Variants in RFX4 observed in about 807,000 individuals in gnomAD.
The protein encoded by RFX4 is regulatory factor X4, also known as transcription factor RFX4.
RFX4 carries 10 observed loss-of-function variants against 95.0 expected under a neutral mutation model. The observed-to-expected ratio is 0.11, with a 90% CI of 0.06 to 0.18. The LOEUF is 0.18. RFX4 is among the 10% of genes least tolerant of loss of function. RFX4 has a pLI of 1.00. For synonymous variants in RFX4, 321 were observed against 340.7 expected (o/e 0.94, Z 0.64); for missense variants, 640 against 922.0 (o/e 0.69, Z 3.96).
chr12:106,617,807 G>A (rs1592855679), intron 2 of RFX4, among the ~76,000 whole-genome samples: 2 of 152,218 alleles, frequency 1.3e-5, no homozygotes, highest in Non-Finnish European at 1.5e-5. Context: ...GCTCACTGTA[G>A]CCTCTGCCTC....
At chr12:106,597,905 A>G (rs987088261) in intron 1 of RFX4, among the ~76,000 whole-genome samples, 1 of 152,158 alleles carries the variant, frequency 6.6e-6, no homozygotes, top group Admixed American at 6.5e-5. Flanking sequence ...AAAAAGAAAA[A>G]GAGGAAAAAG....
chr12:106,746,374 A>T (rs960159840), intron 15 of RFX4, among the ~76,000 whole-genome samples: 2 of 151,404 alleles, frequency 1.3e-5, no homozygotes, highest in African/African-American at 4.9e-5. Context: ...AAAAAAAAAA[A>T]ATTAAAAATT....
intron 2 of RFX4, among the ~76,000 whole-genome samples, chr12:106,613,207 C>G (rs1460563584): frequency 7.7e-6 from 1 of 130,636 alleles, no homozygotes; most frequent in Non-Finnish European, 1.7e-5. Flanking sequence ...CAAGGATGGT[C>G]TGGCAAACAA....
In RFX4 at chr12:106,608,822, C is replaced by G; in HGVS notation, c.69C>G (p.Asn23Lys). ...AGAGCTGGATTGAAAGATGTCTCAACGAAAGTGAAAACAAACGTTATTCCA... is the reference window on the plus strand; with the variant it reads ...AGAGCTGGATTGAAAGATGTCTCAAGGAAAGTGAAAACAAACGTTATTCCA... ...STESWIERCL[N>K]ESENKRYSSH... The change falls in exon 2 of 18, where the codon AAC (asparagine) becomes AAG (lysine). Residue 23 changes from asparagine (N) to lysine (K), a missense_variant. Transcript: ENST00000392842. 1 of 1,606,722 alleles carries G rather than the reference C, an allele frequency of 6.2e-7. No homozygotes were observed. The highest frequency in any genetic ancestry group is 1.1e-5 in the South Asian group (1 of 90,076).
chr12:106,670,601 G>A (rs2137366160), intron 4 of RFX4, among the ~76,000 whole-genome samples: 1 of 152,222 alleles, frequency 6.6e-6, no homozygotes, highest in South Asian at 2.1e-4. Context: ...TAGAAATTTT[G>A]CAATTTCTCT....
intron 2 of RFX4, among the ~76,000 whole-genome samples, chr12:106,629,169 G>A (rs2040365083): frequency 6.6e-6 from 1 of 151,962 alleles, no homozygotes; most frequent in African/African-American, 2.4e-5. Context: ...TAAGAACATA[G>A]AAAGCGTCCT....
intron 17 of RFX4, among the ~76,000 whole-genome samples, chr12:106,754,825 G>A (rs1039216724): frequency 2.0e-5 from 3 of 152,132 alleles, no homozygotes; most frequent in East Asian, 1.9e-4. Flanking sequence ...ACTCTTAGAC[G>A]AGTGCCTCTG....
At chr12:106,715,262 C>A in intron 10 of RFX4, 138 bp from the exon 11 acceptor site, 1 of 941,908 alleles carries the variant, frequency 1.1e-6, no homozygotes, top group Non-Finnish European at 1.5e-6. Flanking sequence ...CTGGTGCTTT[C>A]CTGAAATTGA....
At chr12:106,665,457 A>G (rs2041156448) in intron 4 of RFX4, among the ~76,000 whole-genome samples, 1 of 151,868 alleles carries the variant, frequency 6.6e-6, no homozygotes, top group Admixed American at 6.6e-5. Context: ...TTTGTCTTTT[A>G]ATTGATGCAT....
intron 4 of RFX4, chr12:106,662,210 T>C (rs777349346): frequency 4.9e-6 from 2 of 410,862 alleles, no homozygotes; most frequent in South Asian, 3.7e-5. Flanking sequence ...TTGCTCTACA[T>C]CCTCACCAGC....
rs775276181 is a variant in RFX4 at position 106,733,069 on chromosome 12, T to C, written c.1617T>C (p.Thr539=). The change falls in exon 15 of 18, where the codon ACT becomes ACC. Residue 539 remains threonine, a synonymous_variant. Transcript: ENST00000392842. ...TTAGCAATCCTTCCCCTGAGTACAC[T>C]GGCCTCAGCACTACAGGTAATGGAA... ...SPVSNPSPEY[T]GLSTTGAMQS... is the part of the protein sequence containing the mutation. The C allele has an allele frequency of 1.9e-6, 3 of 1,614,022 alleles. No individual in the cohort carries two copies. Among genetic ancestry groups the C allele is most frequent in the African/African-American group, 1.3e-5 (1 of 74,930 alleles).
At chr12:106,712,225 A>AT (rs1214181103) in intron 10 of RFX4, among the ~76,000 whole-genome samples, 7 of 152,178 alleles carry the variant, frequency 4.6e-5, no homozygotes, top group African/African-American at 1.7e-4. Context: ...GTTCAAAACA[A>AT]TTTTTTTCAC....
chr12:106,720,111 C>T lies in RFX4; in HGVS notation c.1233+57C>T. 6.9e-7 allele frequency: 1 copy of T among 1,440,380 alleles called. No individual in the cohort carries two copies. Among genetic ancestry groups the T allele is most frequent in the Non-Finnish European group, 9.8e-7 (1 of 1,023,406 alleles). 89.2% of individuals were successfully genotyped at this position (1,440,380 alleles called of 1,614,324 possible). On this transcript the variant is annotated intron_variant, in intron 12 of 17. Transcript: ENST00000392842. This position sits in a 1 kb window ranked among gnomAD's most constrained non-coding sequence, Gnocchi z 4.2. Reference sequence around the variant, plus strand: ...GGGCCCTGCAGCCCACCACTGCCCTCTGTGAACTTGGCCAAGACAAAGCCC... The same window carrying T: ...GGGCCCTGCAGCCCACCACTGCCCTTTGTGAACTTGGCCAAGACAAAGCCC...
At chr12:106,732,855 T>G in intron 14 of RFX4, 69 bp from the exon 15 acceptor site, 1 of 1,471,144 alleles carries the variant, frequency 6.8e-7, no homozygotes, top group Non-Finnish European at 9.3e-7. Flanking sequence ...ATATTTCACT[T>G]TTTAAAGTCT....
intron 7 of RFX4, among the ~76,000 whole-genome samples, chr12:106,693,651 C>T (rs185029136): frequency 6.6e-6 from 1 of 152,106 alleles, no homozygotes; most frequent in Admixed American, 6.6e-5. Flanking sequence ...AGGGCAAGTA[C>T]CTTGTCCAAA....
rs148490279 is a variant in RFX4 at position 106,715,519 on chromosome 12, T to C, written c.1113T>C (p.Asp371=). The change falls in exon 11 of 18, where the codon GAT becomes GAC. Residue 371 remains aspartate, a synonymous_variant. Transcript: ENST00000392842. ...QTLYTMEDSR[D]EHRKLITQLY... ...TTTACACCATGGAAGACTCTCGCGA[T>C]GAGCACCGGAAACTCATCACCCAAT... The C allele has an allele frequency of 2.9e-4, 470 of 1,614,200 alleles. No individual in the cohort carries two copies. Among genetic ancestry groups the C allele is most frequent in the Non-Finnish European group, 3.6e-4 (424 of 1,180,022 alleles).
At chr12:106,588,931 G>C (rs116822187) in intron 1 of RFX4, among the ~76,000 whole-genome samples, 1 of 152,094 alleles carries the variant, frequency 6.6e-6, no homozygotes, top group East Asian at 1.9e-4. Context: ...TTCCAAAAAG[G>C]CTGAGAAGAT....
At chr12:106,682,789 C>T (rs2041546712) in intron 5 of RFX4, 1 of 152,248 alleles carries the variant, frequency 6.6e-6, no homozygotes, top group African/African-American at 2.4e-5. Context: ...AGACACTTGT[C>T]TGCTAGGTGT....
chr12:106,718,256 A>G (rs2042330013), intron 11 of RFX4, among the ~76,000 whole-genome samples: 2 of 152,178 alleles, frequency 1.3e-5, no homozygotes, highest in South Asian at 4.1e-4. Context: ...GCTCCAGTAC[A>G]CTGTGACCTT....
Sources: allele counts gnomAD v4.1 joint callset (sites outside exome capture counted in the v4.1 genomes callset), GRCh38; gene constraint gnomAD v4.1.1; non-coding constraint Gnocchi (gnomAD v3.1); transcripts MANE v1.5; gene names NCBI Gene and HGNC (gene_info 2026-07-23, HGNC 2026-07-21).